The following GAS6 variants were observed in gnomAD, a reference collection of about 807,000 sequenced individuals.
The protein encoded by GAS6 is growth arrest specific 6, also known as growth arrest-specific protein 6.
GAS6 carries 41 observed loss-of-function variants against 75.8 expected under a neutral mutation model. That is an observed-to-expected ratio of 0.54 (90% CI 0.42 to 0.70). The LOEUF is 0.70. Among genes scored for constraint, GAS6 ranks in the 30% least tolerant of loss-of-function variants. The probability of loss-of-function intolerance (pLI) is 0.00; values close to 1 mark genes in which losing one functional copy is unlikely to be tolerated. For missense variants in GAS6, 854 were observed against 940.2 expected (o/e 0.91, Z 1.20); for synonymous variants, 432 against 412.6 (o/e 1.05, Z -0.57).
At chr13:113,858,837 GTC>G (rs1306502991) in intron 2 of GAS6, among the ~76,000 whole-genome samples, 1 of 143,218 alleles carries the variant, frequency 7.0e-6, no homozygotes, top group African/African-American at 2.9e-5. Flanking sequence ...ATGTGTACAT[GTC>G]TGTTAGTATG....
chr13:113,828,658 A>C lies in GAS6; in HGVS notation c.1197T>G (p.Ala399=). Residue 399 remains alanine, a synonymous_variant, in exon 11 of 15, where the codon GCT becomes GCG. Coordinates refer to ENST00000327773, the MANE Select transcript of GAS6 (RefSeq NM_000820.4). ...CCCCGGCCACCGCGATTTTCATGAC[A>C]GCATCCCTGTTGACCTTGATGACCA... ...RNLVIKVNRD[A]VMKIAVAGDL... The C allele has an allele frequency of 6.2e-7, 1 of 1,613,618 alleles. No homozygotes were observed. The highest frequency in any genetic ancestry group is 1.1e-5 in the South Asian group (1 of 91,088).
intron 13 of GAS6, chr13:113,823,113 G>A (rs908400219): frequency 7.3e-6 from 3 of 411,568 alleles, no homozygotes; most frequent in Non-Finnish European, 1.3e-5. Context: ...CAACCGAACA[G>A]GGGAAAAGCT....
chr13:113,822,303 G>C, intron 13 of GAS6, 117 bp from the exon 14 acceptor site: 1 of 777,146 alleles, frequency 1.3e-6, no homozygotes. Flanking sequence ...TCTCCGTCCA[G>C]GGTTCCCTGC....
At chr13:113,823,665 GC>G in intron 12 of GAS6, 115 bp from the exon 13 acceptor site, 1 of 1,029,602 alleles carries the variant, frequency 9.7e-7, no homozygotes, top group Admixed American at 2.6e-5. Context: ...TGTGCAGACA[GC>G]CCCGGATCTG....
chr13:113,858,271 T>C (rs759024859), intron 2 of GAS6, among the ~76,000 whole-genome samples: 1 of 152,228 alleles, frequency 6.6e-6, no homozygotes, highest in South Asian at 2.1e-4. Context: ...TGTATATGTG[T>C]CTATTTATGT....
Position 113,832,622 on chromosome 13 carries a change from A to G in GAS6, c.953+12T>C. The G allele has an allele frequency of 1.2e-6, 2 of 1,612,564 alleles. No homozygotes were observed. The highest frequency in any genetic ancestry group is 1.7e-6 in the Non-Finnish European group (2 of 1,179,882). ...TTCTAAGTTGTGTTGCCTCCTGTGG[A>G]CACCTCCTCACCTGGTGGGCTGCAG... On this transcript the variant is annotated intron_variant, in intron 9 of 14. Transcript: ENST00000327773.
rs541712444 is a variant in GAS6, at chr13:113,837,853, C to T, written c.589+216G>A. Among the ~76,000 whole-genome samples, 25 of 152,306 alleles carry T rather than the reference C, an allele frequency of 1.6e-4. No individual in the cohort carries two copies. The highest frequency in any genetic ancestry group is 3.2e-4 in the Non-Finnish European group (22 of 68,010). On this transcript the variant is annotated intron_variant, in intron 6 of 14. Coordinates refer to ENST00000327773, the MANE Select transcript of GAS6 (RefSeq NM_000820.4). This position sits in a 1 kb window ranked among gnomAD's most constrained non-coding sequence, Gnocchi z 5.1. ...ATGGGCTGGGCCGGCCCCCTGAGTC[C>T]TGGCCCTCAGATGCCGGGTGAGTCA...
intron 2 of GAS6, among the ~76,000 whole-genome samples, chr13:113,858,853 GTC>G (rs2051941116): frequency 7.0e-6 from 1 of 142,292 alleles, no homozygotes; most frequent in African/African-American, 2.7e-5. Context: ...TAGTATGTGT[GTC>G]ATTATGCATG....
intron 2 of GAS6, among the ~76,000 whole-genome samples, chr13:113,856,762 G>A (rs534986518): frequency 2.0e-5 from 3 of 152,200 alleles, no homozygotes; most frequent in East Asian, 3.8e-4. Flanking sequence ...AGCCCACTGC[G>A]CCTCCCTGAG....
intron 2 of GAS6, among the ~76,000 whole-genome samples, chr13:113,858,538 T>C (rs1041858351): frequency 8.5e-6 from 1 of 117,478 alleles, no homozygotes; most frequent in African/African-American, 5.0e-5. Context: ...TGTGCATGTC[T>C]GTGTACGTCT....
intron 5 of GAS6, 52 bp downstream of exon 5, chr13:113,839,676 G>A (rs952779837): frequency 1.7e-5 from 28 of 1,603,380 alleles, no homozygotes; most frequent in Non-Finnish European, 2.3e-5. Context: ...CGGGGATCAG[G>A]GCAGGGTCGG....
At chr13:113,852,247 GTTC>G (rs1188156029) in intron 2 of GAS6, among the ~76,000 whole-genome samples, 4 of 152,252 alleles carry the variant, frequency 2.6e-5, no homozygotes, top group South Asian at 4.1e-4. Flanking sequence ...GCCCAAGACA[GTTC>G]TTCTTCCAAT....
chr13:113,822,228 C>G (rs2051470538), intron 13 of GAS6, 42 bp from the exon 14 acceptor site: 1 of 1,438,334 alleles, frequency 7.0e-7, no homozygotes, highest in African/African-American at 1.4e-5. Flanking sequence ...CCGGCCACCC[C>G]TACGTGAGCT....
Position 113,823,681 on chromosome 13 carries a change from G to A in GAS6, c.1478-131C>T, listed in dbSNP as rs561260552. 6.4e-5 allele frequency: 57 copies of A among 890,452 alleles called. No individual in the cohort carries two copies. The African/African-American group carries it at 6.8e-4, about 11-fold the overall frequency. The allele number at this position is 890,452 out of a possible 1,614,324, so 55.2% of individuals were successfully genotyped here. A position where few individuals can be genotyped will look rare whatever the true frequency, so the allele number is the denominator to read the frequency against. On this transcript the variant is annotated intron_variant, in intron 12 of 14. Transcript: ENST00000327773. ...GTGCAGACAGCCCCGGATCTGGGACGTGATGGAAAACTCAACAGACTGGTT... is the reference window on the plus strand; with the variant it reads ...GTGCAGACAGCCCCGGATCTGGGACATGATGGAAAACTCAACAGACTGGTT...
Position 113,824,184 on chromosome 13 carries a change from A to G in GAS6, c.1478-634T>C, listed in dbSNP as rs112740249. On this transcript the variant is annotated intron_variant, in intron 12 of 14. Coordinates refer to ENST00000327773, the MANE Select transcript of GAS6 (RefSeq NM_000820.4). ...CGCGTGGTCTGGGGTCTGAGCTGTC[A>G]GGAGCACCCGCGGTCTGGGGTCTGA... 2.8e-3 allele frequency among the ~76,000 whole-genome samples: 194 copies of G among 69,864 alleles called. 5 individuals are homozygous for G. Among genetic ancestry groups the G allele is most frequent in the East Asian group, 9.8e-3 (20 of 2,044 alleles). The allele number at this position is 69,864 out of a possible 152,430, so 45.8% of individuals were successfully genotyped here.
At chr13:113,827,422 A>T (rs554858484) in intron 11 of GAS6, among the ~76,000 whole-genome samples, 4 of 152,384 alleles carry the variant, frequency 2.6e-5, no homozygotes, top group Admixed American at 2.0e-4. Context: ...TGAAAAGGCC[A>T]TGTGGGTCTA....
In GAS6 at chr13:113,862,067, T is replaced by C. The variant is rs377728542; in HGVS notation, c.255+1508A>G. On this transcript the variant is annotated intron_variant, in intron 2 of 14. Coordinates refer to ENST00000327773, the MANE Select transcript of GAS6 (RefSeq NM_000820.4). ...GTCCTGAGTGCTGTTTTCATTTTCT[T>C]ATCTTCATTTCACACCTTTGTAAAT... Among the ~76,000 whole-genome samples the C allele has an allele frequency of 3.2e-4, 48 of 152,374 alleles. No homozygotes were observed. In the East Asian group the frequency reaches 7.7e-3, roughly 24 times the overall value.
rs58138018 is a variant in GAS6 at position 113,846,388 on chromosome 13, G to A, written c.343+139C>T. On this transcript the variant is annotated intron_variant, in intron 4 of 14. Transcript: ENST00000327773. Reference sequence around the variant, plus strand: ...ACTTGTTTAAAAAAGAAAGTTTGGCGAAAAGGGAGCAGGCCTCGGCAAGGG... The same window carrying A: ...ACTTGTTTAAAAAAGAAAGTTTGGCAAAAAGGGAGCAGGCCTCGGCAAGGG... The A allele has an allele frequency of 0.01, 6,555 of 633,908 alleles. 342 individuals carry two copies. In the African/African-American group the frequency reaches 0.11, roughly 10 times the overall value. 39.3% of individuals were successfully genotyped at this position (633,908 alleles called of 1,614,324 possible).
At position 113,820,814 on chromosome 13, in the gene GAS6, C is replaced by T. The variant is rs931170687; in HGVS notation, c.*50G>A. 6.3e-7 allele frequency: 1 copy of T among 1,580,444 alleles called. No homozygotes were observed. ...CGTGGTGAGGAGCCCCCAGGCTCCT[C>T]CCGGCTGTCTCGGACAGAGACTGAG... is the stretch of plus-strand genomic sequence containing the variant. On this transcript the variant is annotated 3_prime_UTR_variant, in exon 15 of 15. Coordinates refer to ENST00000327773, the MANE Select transcript of GAS6 (RefSeq NM_000820.4).
Sources: allele counts gnomAD v4.1 joint callset (sites outside exome capture counted in the v4.1 genomes callset), GRCh38; gene constraint gnomAD v4.1.1; non-coding constraint Gnocchi (gnomAD v3.1); transcripts MANE v1.5; gene names NCBI Gene and HGNC (gene_info 2026-07-23, HGNC 2026-07-21).